Variants in FRMD6 observed in about 807,000 individuals in gnomAD.
FRMD6 encodes FERM domain-containing protein 6.
In FRMD6, 37 loss-of-function variants were observed where a neutral mutation model predicts 73.2. That is an observed-to-expected ratio of 0.51 (90% confidence interval 0.39 to 0.66). The LOEUF (loss-of-function observed/expected upper bound fraction) is 0.66. FRMD6 is among the 30% of genes least tolerant of loss of function. The probability of loss-of-function intolerance (pLI) is 0.00; values close to 1 mark genes in which losing one functional copy is unlikely to be tolerated. For synonymous variants in FRMD6, 273 were observed against 282.2 expected (o/e 0.97, Z 0.33); for missense variants, 714 against 780.5 (o/e 0.91, Z 1.02).
At chr14:51,643,652 A>T (rs1271103847) in intron 2 of FRMD6, 2 of 152,232 alleles carry the variant, frequency 1.3e-5, no homozygotes, top group Non-Finnish European at 2.9e-5. Context: ...TGGGGACTGA[A>T]AGTCTAGGGG....
rs960828485 is a variant in FRMD6 at position 51,549,817 on chromosome 14, G to T, written c.-209-20531G>T. On this transcript the variant is annotated intron_variant, in intron 1 of 14. Transcript: ENST00000356218. ...TCACCGTGTTAGCCAGGATGATCTC[G>T]ATCTCCTGACCTCGTGATCCGCCCG... 2.0e-4 allele frequency among the ~76,000 whole-genome samples: 30 copies of T among 151,686 alleles called. 1 individual carries two copies. Among genetic ancestry groups the T allele is most frequent in the Non-Finnish European group, 3.7e-4 (25 of 67,922 alleles).
At chr14:51,509,186 TTTC>T (rs1295306153) in intron 1 of FRMD6, among the ~76,000 whole-genome samples, 1 of 152,326 alleles carries the variant, frequency 6.6e-6, no homozygotes, top group Non-Finnish European at 1.5e-5. Context: ...CTTGGTTACA[TTTC>T]TTCTTCATCA....
the FRMD6 span, among the ~76,000 whole-genome samples, chr14:51,468,097 C>T: frequency 6.6e-6 from 1 of 152,052 alleles, no homozygotes; most frequent in Admixed American, 6.5e-5. Flanking sequence ...GAGACCAGCC[C>T]GGCCAATACG....
At chr14:51,442,258 C>T in the FRMD6 span, among the ~76,000 whole-genome samples, 13 of 152,246 alleles carry the variant, frequency 8.5e-5, no homozygotes, top group Non-Finnish European at 1.8e-4. Flanking sequence ...TCCCCTCCTC[C>T]GCTCTCTCTT....
chr14:51,708,801 C>G (rs1367713831), intron 7 of FRMD6, among the ~76,000 whole-genome samples: 4 of 152,076 alleles, frequency 2.6e-5, no homozygotes, highest in Non-Finnish European at 5.9e-5. Flanking sequence ...AATGAATCAC[C>G]TAAGATCACA....
At chr14:51,666,738 T>A (rs1263342540) in intron 1 of FRMD6, among the ~76,000 whole-genome samples, 1 of 152,238 alleles carries the variant, frequency 6.6e-6, no homozygotes, top group Non-Finnish European at 1.5e-5. Context: ...GCGTTAGTGA[T>A]AAACAAAATT....
intron 1 of FRMD6, among the ~76,000 whole-genome samples, chr14:51,544,989 G>C (rs1280159432): frequency 6.6e-6 from 1 of 152,056 alleles, no homozygotes; most frequent in Non-Finnish European, 1.5e-5. Flanking sequence ...TTTGGAAAGG[G>C]TTGTATTAAT....
At chr14:51,485,160 C>T (rs9323210), upstream of FRMD6, among the ~76,000 whole-genome samples, 83,569 of 152,018 alleles carry the variant, frequency 0.55, 23,214 homozygotes, top group East Asian at 0.72. Flanking sequence ...TTACAGAGGG[C>T]CTCTCACCAA....
chr14:51,569,464 C>G (rs1223519216), intron 1 of FRMD6, among the ~76,000 whole-genome samples: 2 of 151,130 alleles, frequency 1.3e-5, no homozygotes, highest in Non-Finnish European at 2.9e-5. Context: ...ACATTATTGT[C>G]ACTTTCTATT....
At chr14:51,576,748 G>A (rs1888426255) in intron 2 of FRMD6, among the ~76,000 whole-genome samples, 1 of 152,102 alleles carries the variant, frequency 6.6e-6, no homozygotes, top group Admixed American at 6.5e-5. Context: ...TACGCACGCT[G>A]GAGACAGGAA....
At chr14:51,510,341 C>A (rs901357319) in intron 1 of FRMD6, among the ~76,000 whole-genome samples, 1 of 152,172 alleles carries the variant, frequency 6.6e-6, no homozygotes, top group Non-Finnish European at 1.5e-5. Flanking sequence ...ACTCTAAGGC[C>A]CCGTTTACCA....
chr14:51,530,057 G>A (rs1351550816), intron 1 of FRMD6, among the ~76,000 whole-genome samples: 1 of 152,166 alleles, frequency 6.6e-6, no homozygotes, highest in Non-Finnish European at 1.5e-5. Flanking sequence ...GATGTTTTGA[G>A]GATGTTGTTA....
intron 1 of FRMD6, among the ~76,000 whole-genome samples, chr14:51,503,424 C>T (rs1449887673): frequency 6.6e-6 from 1 of 152,118 alleles, no homozygotes; most frequent in African/African-American, 2.4e-5. Context: ...TGAATTTTAT[C>T]AAATGCCTTT....
chr14:51,542,651 G>A (rs1190603114), intron 1 of FRMD6, among the ~76,000 whole-genome samples: 1 of 151,686 alleles, frequency 6.6e-6, no homozygotes, highest in East Asian at 1.9e-4. Context: ...GAATTGCTGG[G>A]TAACATGGTA....
chr14:51,475,390 G>A, the FRMD6 span, among the ~76,000 whole-genome samples: 3 of 152,212 alleles, frequency 2.0e-5, no homozygotes, highest in African/African-American at 4.8e-5. Flanking sequence ...TATGATGTCA[G>A]GAGTAACTTT....
In FRMD6 at chr14:51,703,526, A is replaced by G. The variant is rs373548959; in HGVS notation, c.371+938A>G. On this transcript the variant is annotated intron_variant, in intron 5 of 13. Transcript: ENST00000344768. Reference sequence around the variant, plus strand: ...ATTAGTTATCCTTAGTTTACATACAATTTTTACTTATTTTACCTGGTAAGT... The same window carrying G: ...ATTAGTTATCCTTAGTTTACATACAGTTTTTACTTATTTTACCTGGTAAGT... Among the ~76,000 whole-genome samples, 37 of 152,112 alleles carry G rather than the reference A, an allele frequency of 2.4e-4. No homozygotes were observed. The East Asian group carries it at 4.4e-3, about 18-fold the overall frequency.
chr14:51,624,573 G>A (rs957796155), intron 2 of FRMD6, among the ~76,000 whole-genome samples: 1 of 152,132 alleles, frequency 6.6e-6, no homozygotes, highest in African/African-American at 2.4e-5. Flanking sequence ...TAGGGTGCAT[G>A]GTATGAGCGT....
chr14:51,552,154 A>T (rs1566809288), intron 1 of FRMD6, among the ~76,000 whole-genome samples: 1 of 152,196 alleles, frequency 6.6e-6, no homozygotes, highest in East Asian at 1.9e-4. Flanking sequence ...AAATGGGGTA[A>T]ATCTGTTGAT....
chr14:51,585,397 C>T (rs1888970308), intron 2 of FRMD6, among the ~76,000 whole-genome samples: 1 of 152,144 alleles, frequency 6.6e-6, no homozygotes, highest in African/African-American at 2.4e-5. Context: ...GATGAGGCTA[C>T]AATTTAAGTG....
Sources: allele counts gnomAD v4.1 joint callset (sites outside exome capture counted in the v4.1 genomes callset), GRCh38; gene constraint gnomAD v4.1.1; transcripts MANE v1.5; gene names NCBI Gene and HGNC (gene_info 2026-07-23, HGNC 2026-07-21).